The following PDLIM2 variants were observed in gnomAD, a reference collection of about 807,000 sequenced individuals.
PDLIM2 encodes PDZ and LIM domain protein 2.
In PDLIM2, 51 loss-of-function variants were observed where a neutral mutation model predicts 54.1. The observed-to-expected ratio is 0.94, with a 90% CI of 0.75 to 1.19. PDLIM2 has a LOEUF of 1.19. Ranked by LOEUF, PDLIM2 falls within the 50% of genes most tolerant of loss-of-function variation. The probability of loss-of-function intolerance (pLI) is 0.00; values close to 1 mark genes in which losing one functional copy is unlikely to be tolerated. For synonymous variants in PDLIM2, 398 were observed against 385.6 expected (o/e 1.03, Z -0.38); for missense variants, 912 against 874.0 (o/e 1.04, Z -0.55).
chr8:22,585,794 A>C, intron 6 of PDLIM2: 2 of 150,474 alleles, frequency 1.3e-5, no homozygotes, highest in Non-Finnish European at 2.9e-5. Context: ...CCATTCCAAG[A>C]CCCGGGCCTG....
Position 22,589,434 on chromosome 8 carries a change from G to A in PDLIM2, c.1367+60G>A, listed in dbSNP as rs921891179. 70 of 1,530,484 alleles carry A rather than the reference G, an allele frequency of 4.6e-5. No homozygotes were observed. In the African/African-American group the frequency reaches 8.4e-4, roughly 18 times the overall value. The allele number at this position is 1,530,484 out of a possible 1,614,324, so 94.8% of individuals were successfully genotyped here. A position where few individuals can be genotyped will look rare whatever the true frequency, so the allele number is the denominator to read the frequency against. ...TTGGAAGGCTGGGAGGGGCAGGAGG[G>A]AGACGGGCTTCCCCGAGAGGGATGG... is the stretch of plus-strand genomic sequence containing the variant. On this transcript the variant is annotated intron_variant, in intron 7 of 9. Coordinates refer to ENST00000308354, the Ensembl canonical transcript of PDLIM2.
At chr8:22,590,767 G>A (rs73672772) in intron 8 of PDLIM2, 4,112 of 152,504 alleles carry the variant, frequency 0.027, 195 homozygotes, top group African/African-American at 0.093. Flanking sequence ...CCTCAGTTGA[G>A]TCCCATTGGG....
exon 10 of PDLIM2, chr8:22,593,949 G>A: frequency 6.5e-7 from 1 of 1,535,854 alleles, no homozygotes; most frequent in Non-Finnish European, 8.8e-7. Context: ...GCTGGGCCAG[G>A]GTCATGCCTA....
chr8:22,587,042 T>C (rs757271138), intron 6 of PDLIM2, among the ~76,000 whole-genome samples: 1 of 152,180 alleles, frequency 6.6e-6, no homozygotes, highest in Non-Finnish European at 1.5e-5. Context: ...TTCTCTGACC[T>C]TGATGACTCT....
exon 9 of PDLIM2, chr8:22,591,633 G>C: frequency 6.2e-7 from 1 of 1,613,244 alleles, no homozygotes; most frequent in Non-Finnish European, 8.5e-7. Flanking sequence ...CCCCTCCCAA[G>C]CTCCACACTT....
intron 8 of PDLIM2, chr8:22,591,257 G>C (rs937646501): frequency 6.2e-6 from 3 of 482,644 alleles, no homozygotes; most frequent in African/African-American, 5.9e-5. Context: ...TAATCACACT[G>C]TTATTACCAG....
chr8:22,581,515 G>C (rs773625739), exon 3 of PDLIM2: 1 of 1,586,046 alleles, frequency 6.3e-7, no homozygotes. Flanking sequence ...TCGCCCCTGC[G>C]GCTGCAGCTG....
exon 9 of PDLIM2, chr8:22,591,623 C>G (rs1339332278): frequency 1.2e-6 from 2 of 1,613,398 alleles, no homozygotes; most frequent in East Asian, 4.5e-5. Flanking sequence ...GCCCTGGCCA[C>G]CCCTCCCAAG....
At chr8:22,581,041 A>G (rs1800185237) in intron 2 of PDLIM2, 1 of 654,406 alleles carries the variant, frequency 1.5e-6, no homozygotes, top group Non-Finnish European at 2.9e-6. Flanking sequence ...CAGGCTGGGA[A>G]CATTCACAGG....
chr8:22,586,569 C>T (rs1262693336), intron 6 of PDLIM2, among the ~76,000 whole-genome samples: 1 of 151,900 alleles, frequency 6.6e-6, no homozygotes, highest in Non-Finnish European at 1.5e-5. Context: ...AAACACTGGT[C>T]CGGGCGACGG....
chr8:22,578,982 C>T lies in PDLIM2; in HGVS notation c.203C>T (p.Pro68Leu). 1 of 1,241,894 alleles carries T rather than the reference C, an allele frequency of 8.1e-7. No individual in the cohort carries two copies. The highest frequency in any genetic ancestry group is 2.7e-4 in the Middle Eastern group (1 of 3,730). 76.9% of individuals were successfully genotyped at this position (1,241,894 alleles called of 1,614,324 possible). ...GCAGGGGGCCCTGGGGACAGCCTGCCTCATCCCCCCGGCGGGCTCGGGCCA... is the reference window on the plus strand; with the variant it reads ...GCAGGGGGCCCTGGGGACAGCCTGCTTCATCCCCCCGGCGGGCTCGGGCCA... Residue 68 changes from proline (P) to leucine (L), a missense_variant, in exon 1 of 10, where the codon CCT becomes CTT. Transcript: ENST00000308354.
intron 1 of PDLIM2, chr8:22,579,722 G>A: frequency 1.8e-6 from 1 of 558,734 alleles, no homozygotes; most frequent in Non-Finnish European, 2.8e-6. Flanking sequence ...GCAGGGTGGT[G>A]CCCAGCCTGG....
Position 22,591,848 on chromosome 8 carries a change from G to A in PDLIM2, c.1631+180G>A, listed in dbSNP as rs192516319. On this transcript the variant is annotated intron_variant, in intron 9 of 9. Transcript: ENST00000308354. Reference sequence around the variant, plus strand: ...GGGGCATTAGTTACAGGCTTCTTAGGAGCCTAGGCTAGCTGCTTCCGGCTG... The same window carrying A: ...GGGGCATTAGTTACAGGCTTCTTAGAAGCCTAGGCTAGCTGCTTCCGGCTG... 5.4e-6 allele frequency: 3 copies of A among 557,664 alleles called. No homozygotes were observed. The African/African-American group carries it at 5.8e-5, about 11-fold the overall frequency. The allele number at this position is 557,664 out of a possible 1,614,324, so 34.5% of individuals were successfully genotyped here.
At chr8:22,586,763 G>A (rs1017159228) in intron 6 of PDLIM2, among the ~76,000 whole-genome samples, 7 of 152,132 alleles carry the variant, frequency 4.6e-5, no homozygotes, top group African/African-American at 9.7e-5. Flanking sequence ...CTTCCCCATC[G>A]TGTTGCCCCC....
chr8:22,596,854 C>G (rs753443529), downstream of PDLIM2: 1 of 152,170 alleles, frequency 6.6e-6, no homozygotes, highest in Non-Finnish European at 1.5e-5. Context: ...TCTCTGCAGA[C>G]GAGGAAACCG....
At chr8:22,586,276 C>T (rs978416500) in intron 6 of PDLIM2, among the ~76,000 whole-genome samples, 30 of 152,224 alleles carry the variant, frequency 2.0e-4, no homozygotes, top group African/African-American at 6.8e-4. Context: ...TGACCCGCTG[C>T]GTGCCCACCC....
exon 10 of PDLIM2, chr8:22,593,925 C>T (rs1307575655): frequency 1.9e-6 from 3 of 1,546,342 alleles, no homozygotes; most frequent in Non-Finnish European, 2.6e-6. Context: ...GCCATGCCCT[C>T]AGCCTGCCTC....
intron 6 of PDLIM2, among the ~76,000 whole-genome samples, chr8:22,586,190 G>A (rs1800377584): frequency 6.6e-6 from 1 of 152,158 alleles, no homozygotes; most frequent in Non-Finnish European, 1.5e-5. Context: ...GGCCAGGGAG[G>A]GCACTAGAAC....
At chr8:22,583,903 ACT>A (rs1248730212) in intron 3 of PDLIM2, among the ~76,000 whole-genome samples, 1 of 146,332 alleles carries the variant, frequency 6.8e-6, no homozygotes, top group African/African-American at 2.5e-5. Context: ...TAATGTGAGG[ACT>A]CTCTAATAAA....
Sources: allele counts gnomAD v4.1 joint callset (sites outside exome capture counted in the v4.1 genomes callset), GRCh38; gene constraint gnomAD v4.1.1; transcripts MANE v1.5; gene names NCBI Gene and HGNC (gene_info 2026-07-23, HGNC 2026-07-21).